Variants in TSPEAR observed in about 807,000 individuals in gnomAD.
TSPEAR encodes the protein thrombospondin-type laminin G domain and EAR repeat-containing protein.
A neutral mutation model predicts 71.6 loss-of-function variants in TSPEAR; 69 were observed. The ratio of observed to expected loss-of-function variants is 0.96; its 90% CI spans 0.79 to 1.18. TSPEAR has a LOEUF of 1.18. Ranked by LOEUF, TSPEAR falls within the 50% of genes most tolerant of loss-of-function variation. The pLI, the probability that TSPEAR is intolerant of heterozygous loss-of-function variation, is 0.00. For synonymous variants in TSPEAR, 402 were observed against 387.2 expected (o/e 1.04, Z -0.45); for missense variants, 971 against 894.9 (o/e 1.09, Z -1.09).
intron 1 of TSPEAR, among the ~76,000 whole-genome samples, chr21:44,625,936 T>A (rs1472679468): frequency 6.6e-6 from 1 of 152,222 alleles, no homozygotes; most frequent in Non-Finnish European, 1.5e-5. Context: ...CACAGCCTCC[T>A]TCTTACAACC....
At chr21:44,539,687 G>A in intron 2 of TSPEAR, 1 of 1,594,100 alleles carries the variant, frequency 6.3e-7, no homozygotes, top group Non-Finnish European at 8.5e-7. Context: ...CTCAGAGCAG[G>A]TGGGCACATA....
intron 2 of TSPEAR, among the ~76,000 whole-genome samples, chr21:44,555,938 C>T (rs1368177100): frequency 6.6e-6 from 1 of 152,194 alleles, no homozygotes; most frequent in Non-Finnish European, 1.5e-5. Context: ...TTTGCACAGA[C>T]ATGCCATCGA....
In TSPEAR at chr21:44,697,972, C is replaced by G. The variant is rs370668201; in HGVS notation, c.82+13461G>C. On this transcript the variant is annotated intron_variant, in intron 1 of 11. Coordinates refer to ENST00000323084, the MANE Select transcript of TSPEAR (RefSeq NM_144991.3). ...GCTCAGGCCAGAAGTCCAGCTGCTG[C>G]CAGGCATGTCCCCCAGGGCCACTGG... 4 of 1,587,266 alleles carry G rather than the reference C, an allele frequency of 2.5e-6. No homozygotes were observed. In the South Asian group the frequency reaches 4.6e-5, roughly 18 times the overall value.
chr21:44,692,533 T>C (rs1987163267), intron 1 of TSPEAR, among the ~76,000 whole-genome samples: 2 of 152,118 alleles, frequency 1.3e-5, no homozygotes, highest in African/African-American at 4.8e-5. Context: ...AAGATCAACA[T>C]ACAAAAATCA....
intron 11 of TSPEAR, among the ~76,000 whole-genome samples, chr21:44,504,140 C>T (rs1601317495): frequency 7.2e-6 from 1 of 139,630 alleles, no homozygotes; most frequent in African/African-American, 2.8e-5. Context: ...CCTCAGTGAG[C>T]CCACAGTGGG....
At chr21:44,627,603 C>G (rs1555934738) in intron 1 of TSPEAR, 4 of 1,613,416 alleles carry the variant, frequency 2.5e-6, no homozygotes, top group Non-Finnish European at 2.5e-6. Flanking sequence ...GTGTGCCCGT[C>G]TGCTGCAAAC....
intron 1 of TSPEAR, among the ~76,000 whole-genome samples, chr21:44,663,429 TATC>T (rs1985598996): frequency 6.6e-6 from 1 of 152,054 alleles, no homozygotes; most frequent in South Asian, 2.1e-4. Flanking sequence ...GCCTGAATAG[TATC>T]ATATCTATTA....
chr21:44,509,111 G>C, intron 10 of TSPEAR, 88 bp downstream of exon 10: 1 of 1,450,172 alleles, frequency 6.9e-7, no homozygotes, highest in Non-Finnish European at 9.4e-7. Flanking sequence ...CCACGGGAAG[G>C]GTGGTGAGGA....
chr21:44,635,586 T>C (rs1402789092), intron 1 of TSPEAR, among the ~76,000 whole-genome samples: 3 of 152,140 alleles, frequency 2.0e-5, no homozygotes, highest in Non-Finnish European at 4.4e-5. Flanking sequence ...ATTCCATGAC[T>C]GCGTCTATAT....
chr21:44,675,875 G>A (rs1569253163), intron 1 of TSPEAR: 1 of 705,610 alleles, frequency 1.4e-6, no homozygotes, highest in East Asian at 2.5e-5. Flanking sequence ...ACCTTACTCT[G>A]GCTGTACTTG....
chr21:44,608,744 TA>T (rs1284155663), intron 1 of TSPEAR, among the ~76,000 whole-genome samples: 1 of 152,244 alleles, frequency 6.6e-6, no homozygotes, highest in Non-Finnish European at 1.5e-5. Context: ...CCTCATTTTG[TA>T]AAGATACAGA....
intron 1 of TSPEAR, among the ~76,000 whole-genome samples, chr21:44,596,752 G>A (rs375308598): frequency 5.3e-5 from 8 of 152,200 alleles, no homozygotes; most frequent in Admixed American, 2.0e-4. Flanking sequence ...TTTTAAATGG[G>A]GCTGAGCACG....
rs1414921732 is a variant in TSPEAR, at chr21:44,711,530, C to T, written c.-16G>A. On this transcript the variant is annotated 5_prime_UTR_variant, in exon 1 of 12. Coordinates refer to ENST00000323084, the MANE Select transcript of TSPEAR (RefSeq NM_144991.3). This position sits in a 1 kb window ranked among gnomAD's most constrained non-coding sequence, Gnocchi z 4.5. ...GGGCAGACATGAGGGGCTTGGGTGCCAAGCTCCATCCAGGGCTCCGCTCAG... is the reference window on the plus strand; with the variant it reads ...GGGCAGACATGAGGGGCTTGGGTGCTAAGCTCCATCCAGGGCTCCGCTCAG... 4.4e-6 allele frequency: 7 copies of T among 1,606,868 alleles called. 1 individual carries two copies. In the Admixed American group the frequency reaches 1.2e-4, roughly 27 times the overall value.
At chr21:44,505,147 C>G (rs1164426661) in intron 10 of TSPEAR, among the ~76,000 whole-genome samples, 1 of 152,204 alleles carries the variant, frequency 6.6e-6, no homozygotes, top group East Asian at 1.9e-4. Context: ...GGCGAGATCT[C>G]GGCTCACGGC....
intron 2 of TSPEAR, among the ~76,000 whole-genome samples, chr21:44,538,061 C>T (rs2053120763): frequency 6.6e-6 from 1 of 152,198 alleles, no homozygotes; most frequent in African/African-American, 2.4e-5. Context: ...CCTGTTCTGA[C>T]CACAGCCGTG....
chr21:44,567,896 G>T lies in TSPEAR; in HGVS notation c.192C>A (p.Ala64=). The T allele has an allele frequency of 1.2e-6, 2 of 1,608,330 alleles. No individual in the cohort carries two copies. The highest frequency in any genetic ancestry group is 8.5e-7 in the Non-Finnish European group (1 of 1,176,416). The part of the protein sequence containing the change: ...HGARGLQLSV[A]APRTMSFPAS... The stretch of plus-strand genomic sequence containing the variant: ...CTGGGAAGCTCATGGTGCGGGGGGC[G>T]GCTACTGAGAGCTGGAGTCCCCGTG... Residue 64 remains alanine, a synonymous_variant, in exon 2 of 12, where the codon GCC becomes GCA. Coordinates refer to ENST00000323084, the MANE Select transcript of TSPEAR (RefSeq NM_144991.3).
At chr21:44,696,814 CG>C (rs1178902794) in intron 1 of TSPEAR, among the ~76,000 whole-genome samples, 1 of 152,176 alleles carries the variant, frequency 6.6e-6, no homozygotes, top group Admixed American at 6.5e-5. Flanking sequence ...CACGGCCCCA[CG>C]GTCCCGCTCA....
At position 44,520,011 on chromosome 21, in the gene TSPEAR, G is replaced by GC. The variant is rs587637335; in HGVS notation, c.1566+1871dup. 1.8e-4 allele frequency: 27 copies of GC among 152,504 alleles called. No homozygotes were observed. Among genetic ancestry groups the GC allele is most frequent in the African/African-American group, 6.5e-4 (27 of 41,560 alleles). 9.4% of individuals were successfully genotyped at this position (152,504 alleles called of 1,614,324 possible). A position where few individuals can be genotyped will look rare whatever the true frequency, so the allele number is the denominator to read the frequency against. The stretch of plus-strand genomic sequence containing the variant: ...ATCCCAGTGCACTGAGCCTCACTCT[G>GC]CCCCCGTGGCAGGAGGCTCATCCCG... On this transcript the variant is annotated intron_variant, in intron 9 of 11. Transcript: ENST00000323084. This position sits in a 1 kb window ranked among gnomAD's most constrained non-coding sequence, Gnocchi z 4.2.
At chr21:44,700,378 T>C (rs984744649) in intron 1 of TSPEAR, among the ~76,000 whole-genome samples, 2 of 152,032 alleles carry the variant, frequency 1.3e-5, no homozygotes, top group Non-Finnish European at 2.9e-5. Context: ...CGACCCCCAG[T>C]GCAGTCCCTC....
Sources: allele counts gnomAD v4.1 joint callset (sites outside exome capture counted in the v4.1 genomes callset), GRCh38; gene constraint gnomAD v4.1.1; non-coding constraint Gnocchi (gnomAD v3.1); transcripts MANE v1.5; gene names NCBI Gene and HGNC (gene_info 2026-07-23, HGNC 2026-07-21).